The following SMC5 variants were observed in gnomAD, a reference collection of about 807,000 sequenced individuals.
SMC5 encodes structural maintenance of chromosomes 5, also known as structural maintenance of chromosomes protein 5.
In SMC5, 88 loss-of-function variants were observed where a neutral mutation model predicts 148.3. That is an observed-to-expected ratio of 0.59 (90% CI 0.50 to 0.71). The LOEUF is 0.71. Among genes scored for constraint, SMC5 ranks in the 30% least tolerant of loss-of-function variants. The probability of loss-of-function intolerance (pLI) is 0.00; values close to 1 mark genes in which losing one functional copy is unlikely to be tolerated. For missense variants in SMC5, 1,142 were observed against 1,298.9 expected, an observed-to-expected ratio of 0.88 and a Z score of 1.86; for synonymous variants, 421 against 432.8, an observed-to-expected ratio of 0.97 and a Z score of 0.34.
rs138188628 is a variant in SMC5 at position 70,259,701 on chromosome 9, A to G, written c.185+438A>G. ...GTAGGCATTTGCCAGAGAGGAGTAG[A>G]TAAGACGGTAAAGGTTGTTCGGGAA... On this transcript the variant is annotated intron_variant, in intron 1 of 24. Coordinates refer to ENST00000361138, the MANE Select transcript of SMC5 (RefSeq NM_015110.4). Among the ~76,000 whole-genome samples, 12 of 152,248 alleles carry G rather than the reference A, an allele frequency of 7.9e-5. No homozygotes were observed. In the East Asian group the frequency reaches 2.3e-3, roughly 29 times the overall value.
chr9:70,266,741 T>C (rs1330823738), intron 2 of SMC5, among the ~76,000 whole-genome samples: 1 of 152,170 alleles, frequency 6.6e-6, no homozygotes, highest in Non-Finnish European at 1.5e-5. Context: ...ATATAAAAAT[T>C]TAACAAAAAC....
chr9:70,265,409 A>C (rs892792097), intron 2 of SMC5, among the ~76,000 whole-genome samples: 6 of 152,212 alleles, frequency 3.9e-5, no homozygotes, highest in Non-Finnish European at 5.9e-5. Context: ...TAGTGAGCCA[A>C]GATCGCACCA....
At chr9:70,281,644 A>G (rs2034752829) in intron 6 of SMC5, among the ~76,000 whole-genome samples, 1 of 152,174 alleles carries the variant, frequency 6.6e-6, no homozygotes, top group Admixed American at 6.5e-5. Flanking sequence ...AATGGAAATA[A>G]TTGTTACTTG....
intron 11 of SMC5, among the ~76,000 whole-genome samples, chr9:70,313,336 C>T (rs1373335111): frequency 3.9e-5 from 6 of 152,072 alleles, no homozygotes; most frequent in Non-Finnish European, 5.9e-5. Context: ...TAGTAATAAA[C>T]CATAGTTTTC....
intron 12 of SMC5, 91 bp from the exon 13 acceptor site, chr9:70,315,355 T>A (rs763023429): frequency 1.7e-4 from 134 of 790,340 alleles, no homozygotes; most frequent in Non-Finnish European, 3.8e-5. Context: ...TAATGTATGT[T>A]TTACTTATTG....
chr9:70,276,370 A>G (rs1310915561), intron 3 of SMC5, among the ~76,000 whole-genome samples: 2 of 152,228 alleles, frequency 1.3e-5, no homozygotes, highest in African/African-American at 4.8e-5. Context: ...TTTCACCTAT[A>G]CTATGATGTT....
At chr9:70,323,369 A>T in intron 15 of SMC5, 114 bp from the exon 16 acceptor site, 1 of 995,894 alleles carries the variant, frequency 1.0e-6, no homozygotes. Flanking sequence ...GCCAGGCACT[A>T]TATATCTGAA....
chr9:70,323,954 CTA>C, intron 16 of SMC5, 65 bp from the exon 17 acceptor site: 1 of 1,338,728 alleles, frequency 7.5e-7, no homozygotes. Context: ...TTTTAAAAAA[CTA>C]TACATTTTTT....
intron 12 of SMC5, 135 bp downstream of exon 12, chr9:70,314,971 C>T: frequency 1.9e-6 from 1 of 528,892 alleles, no homozygotes; most frequent in Non-Finnish European, 3.3e-6. Flanking sequence ...AATTTAGGCA[C>T]AGGACCATGA....
At chr9:70,302,233 G>C (rs7036205) in intron 10 of SMC5, among the ~76,000 whole-genome samples, 73,154 of 151,968 alleles carry the variant, frequency 0.48, 20,709 homozygotes, top group Non-Finnish European at 0.62. Flanking sequence ...GGGCACGGTG[G>C]CTCATGCCTG....
chr9:70,267,553 T>C (rs2034323625), intron 2 of SMC5, among the ~76,000 whole-genome samples: 1 of 152,180 alleles, frequency 6.6e-6, no homozygotes. Context: ...GGACCTGTTT[T>C]CCCACAGGCA....
intron 24 of SMC5, 62 bp downstream of exon 24, chr9:70,350,533 C>G: frequency 8.8e-7 from 1 of 1,134,584 alleles, no homozygotes; most frequent in South Asian, 1.6e-5. Flanking sequence ...CATAATCATA[C>G]AGTTTTTGTC....
chr9:70,313,752 G>A (rs928314770), intron 11 of SMC5, among the ~76,000 whole-genome samples: 5 of 152,044 alleles, frequency 3.3e-5, no homozygotes, highest in African/African-American at 9.7e-5. Flanking sequence ...CGCCCGTCTC[G>A]GCCTCCCAAA....
At position 70,278,477 on chromosome 9, in the gene SMC5, T is replaced by G; in HGVS notation, c.544-14T>G. 1 of 1,599,278 alleles carries G rather than the reference T, an allele frequency of 6.3e-7. No homozygotes were observed. The highest frequency in any genetic ancestry group is 8.5e-7 in the Non-Finnish European group (1 of 1,176,218). ...ATGAATGATAGTTGCTGATATTTAA[T>G]TTTTGTGCTCTAGGACAAAGTTGGA... is the stretch of plus-strand genomic sequence containing the variant. On this transcript the variant is annotated splice_polypyrimidine_tract_variant and intron_variant, in intron 4 of 24. Transcript: ENST00000361138.
Position 70,318,645 on chromosome 9 carries a change from T to G in SMC5, c.1938T>G (p.Thr646=). 6.2e-7 allele frequency: 1 copy of G among 1,611,916 alleles called. No individual in the cohort carries two copies. The highest frequency in any genetic ancestry group is 8.5e-7 in the Non-Finnish European group (1 of 1,178,866). ...AAGTAGCGCAGTTTCTCACTGTCAC[T>G]GTGGACCTAGAGCAGAGAAGACACT... The part of the protein sequence containing the change: ...SLKVAQFLTV[T]VDLEQRRHLE... The change falls in exon 14 of 25, where the codon ACT becomes ACG. Residue 646 remains threonine, a synonymous_variant. Coordinates refer to ENST00000361138, the MANE Select transcript of SMC5 (RefSeq NM_015110.4).
Position 70,267,805 on chromosome 9 carries a change from A to G in SMC5, c.328-118A>G, listed in dbSNP as rs560736287. The G allele has an allele frequency of 9.2e-5, 71 of 775,704 alleles. No homozygotes were observed. The African/African-American group carries it at 1.1e-3, about 12-fold the overall frequency. 48.1% of individuals were successfully genotyped at this position (775,704 alleles called of 1,614,324 possible). A position where few individuals can be genotyped will look rare whatever the true frequency, so the allele number is the denominator to read the frequency against. On this transcript the variant is annotated intron_variant, in intron 2 of 24. Coordinates refer to ENST00000361138, the MANE Select transcript of SMC5 (RefSeq NM_015110.4). ...ATACCTTAGAAAGTGACAGGAGCGA[A>G]CATACAAGTGGTACCTGAAAAAAAT...
At chr9:70,337,425 G>A (rs1208412487) in intron 17 of SMC5, among the ~76,000 whole-genome samples, 1 of 150,642 alleles carries the variant, frequency 6.6e-6, no homozygotes, top group Non-Finnish European at 1.5e-5. Context: ...TTAGTAAATA[G>A]GATAAATACT....
At chr9:70,313,201 A>G (rs371720581) in intron 11 of SMC5, among the ~76,000 whole-genome samples, 1 of 151,916 alleles carries the variant, frequency 6.6e-6, no homozygotes, top group Non-Finnish European at 1.5e-5. Flanking sequence ...TATCTTTTTA[A>G]TGTTTTGGGA....
intron 17 of SMC5, among the ~76,000 whole-genome samples, chr9:70,329,583 C>T (rs1286818350): frequency 6.6e-6 from 1 of 152,188 alleles, no homozygotes; most frequent in African/African-American, 2.4e-5. Flanking sequence ...TGTCCATATC[C>T]TTGTCAGCAT....
Sources: allele counts gnomAD v4.1 joint callset (sites outside exome capture counted in the v4.1 genomes callset), GRCh38; gene constraint gnomAD v4.1.1; transcripts MANE v1.5; gene names NCBI Gene and HGNC (gene_info 2026-07-23, HGNC 2026-07-21).